TET2: variants seen among roughly 807,000 people sequenced by gnomAD.
TET2 encodes the protein methylcytosine dioxygenase TET2.
TET2 carries 299 observed loss-of-function variants against 142.9 expected under a neutral mutation model. The observed-to-expected ratio is 2.09, with a 90% confidence interval of 1.90 to 2.30. The LOEUF (loss-of-function observed/expected upper bound fraction) is 2.30, where lower values mean the gene tolerates loss of function less well. Ranked by LOEUF, TET2 falls within the 30% of genes most tolerant of loss-of-function variation. The pLI is 0.00. For missense variants in TET2, 2,418 were observed against 2,378.0 expected (o/e 1.02, Z -0.35); for synonymous variants, 819 against 849.0 (o/e 0.96, Z 0.61).
rs181091189 is a variant in TET2, at chr4:105,221,454, T to C, written c.-46-12443T>C. On this transcript the variant is annotated intron_variant, in intron 2 of 10. Transcript: ENST00000380013. ...TTTCTCCCTCAAATAATCTATATATTATTAAATTTTGTTTATACTGCCATT... is the reference window on the plus strand; with the variant it reads ...TTTCTCCCTCAAATAATCTATATATCATTAAATTTTGTTTATACTGCCATT... Among the ~76,000 whole-genome samples the C allele has an allele frequency of 6.6e-5, 10 of 152,282 alleles. No individual in the cohort carries two copies. The East Asian group carries it at 1.5e-3, about 23-fold the overall frequency.
chr4:105,150,464 G>A (rs778391172), intron 1 of TET2, among the ~76,000 whole-genome samples: 1 of 152,140 alleles, frequency 6.6e-6, no homozygotes, highest in Non-Finnish European at 1.5e-5. Context: ...TTGGGAACAG[G>A]CTAAAACTTT....
chr4:105,274,023 T>G lies in TET2; in HGVS notation c.4538-1025T>G, dbSNP rs149693747. 2.2e-3 allele frequency among the ~76,000 whole-genome samples: 337 copies of G among 152,342 alleles called. 2 individuals are homozygous for G. Among genetic ancestry groups the G allele is most frequent in the African/African-American group, 7.6e-3 (318 of 41,580 alleles). ...GCTTCATGAAGTCAAATTTCTCTAC[T>G]GATTCATTTCCAAGCTCAGAGGAAC... On this transcript the variant is annotated intron_variant, in intron 10 of 10. Coordinates refer to ENST00000380013, the MANE Select transcript of TET2 (RefSeq NM_001127208.3).
chr4:105,185,769 ACT>A (rs1422584058), intron 1 of TET2, among the ~76,000 whole-genome samples: 1 of 152,160 alleles, frequency 6.6e-6, no homozygotes, highest in African/African-American at 2.4e-5. Flanking sequence ...ACAGAGCAAG[ACT>A]CTGTCTCTAA....
At chr4:105,216,451 T>C (rs1727498753) in intron 2 of TET2, among the ~76,000 whole-genome samples, 1 of 152,156 alleles carries the variant, frequency 6.6e-6, no homozygotes, top group East Asian at 1.9e-4. Context: ...ACTTATTTTA[T>C]GGTATTATGT....
chr4:105,256,910 TTAA>T (rs1321137154), intron 6 of TET2, among the ~76,000 whole-genome samples: 2 of 152,200 alleles, frequency 1.3e-5, no homozygotes, highest in African/African-American at 2.4e-5. Flanking sequence ...AGAATTCTAT[TTAA>T]TAATATCTTT....
At position 105,214,112 on chromosome 4, in the gene TET2, A is replaced by C. The variant is rs115902632; in HGVS notation, c.-46-19785A>C. ...GTGATCCACCTGCCTTGGCCTCATA[A>C]AGTGCTAGGACAAAAGTTTGCCATT... is the stretch of plus-strand genomic sequence containing the variant. On this transcript the variant is annotated intron_variant, in intron 2 of 10. Transcript: ENST00000380013. Among the ~76,000 whole-genome samples the C allele has an allele frequency of 3.8e-3, 575 of 151,674 alleles. 6 individuals carry two copies. The highest frequency in any genetic ancestry group is 0.02 in the South Asian group (94 of 4,792).
Position 105,204,264 on chromosome 4 carries a change from CACACATACAT to C in TET2, c.-47+13763_-47+13772del, listed in dbSNP as rs1386760700. ...ACACACACACACACACACACACACACACACATACATACATACATTAGAAAACTAATTACAT... is the reference window on the plus strand; with the variant it reads ...ACACACACACACACACACACACACACACATACATTAGAAAACTAATTACAT... On this transcript the variant is annotated intron_variant, in intron 2 of 10. Coordinates refer to ENST00000380013, the MANE Select transcript of TET2 (RefSeq NM_001127208.3). 1.9e-3 allele frequency among the ~76,000 whole-genome samples: 272 copies of C among 142,046 alleles called. 2 individuals are homozygous for C. Among genetic ancestry groups the C allele is most frequent in the African/African-American group, 7.8e-3 (263 of 33,880 alleles). The allele number at this position is 142,046 out of a possible 152,430, so 93.2% of individuals were successfully genotyped here.
chr4:105,259,434 T>C (rs1730306809), intron 6 of TET2, among the ~76,000 whole-genome samples, 185 bp from the exon 7 acceptor site: 1 of 152,200 alleles, frequency 6.6e-6, no homozygotes, highest in South Asian at 2.1e-4. Context: ...GTATGTGTAT[T>C]ACATTGCAAT....
chr4:105,159,902 A>G (rs1723759379), intron 1 of TET2, among the ~76,000 whole-genome samples: 2 of 151,902 alleles, frequency 1.3e-5, no homozygotes, highest in Admixed American at 6.6e-5. Context: ...TACTTGGGAG[A>G]CTGTGGCAGG....
At chr4:105,220,214 G>T (rs1032645266) in intron 2 of TET2, among the ~76,000 whole-genome samples, 1 of 152,028 alleles carries the variant, frequency 6.6e-6, no homozygotes, top group Non-Finnish European at 1.5e-5. Context: ...GAACCCATTT[G>T]TTGGCCTTAT....
At chr4:105,168,586 T>G (rs375723623) in intron 1 of TET2, among the ~76,000 whole-genome samples, 5 of 152,064 alleles carry the variant, frequency 3.3e-5, no homozygotes, top group African/African-American at 1.2e-4. Context: ...TTTTTAAAAT[T>G]TTATTTTTTT....
Position 105,276,028 on chromosome 4 carries a change from G to T in TET2, c.5518G>T (p.Ala1840Ser), listed in dbSNP as rs1194483723. 6.4e-7 allele frequency: 1 copy of T among 1,551,626 alleles called. No homozygotes were observed. Among genetic ancestry groups the T allele is most frequent in the East Asian group, 2.4e-5 (1 of 40,936 alleles). ...LALVQGVASGAEDNDEVWSDS... is the reference protein window; with the variant it reads ...LALVQGVASGSEDNDEVWSDS... ...ACTAGTCCAGGGTGTGGCTTCTGGT[G>T]CAGAGGACAACGATGAGGTCTGGTC... The change falls in exon 11 of 11, where the codon GCA becomes TCA. Residue 1840 changes from alanine (A) to serine (S), a missense_variant. By Grantham distance (99) the Ala-to-Ser change is moderately conservative. Coordinates refer to ENST00000380013, the MANE Select transcript of TET2 (RefSeq NM_001127208.3).
rs1461050148 is a variant in TET2, at chr4:105,233,919, G to A, written c.-24G>A. On this transcript the variant is annotated 5_prime_UTR_variant, in exon 3 of 11. In the 5' UTR this introduces an upstream ATG that the reference lacks. Transcript: ENST00000380013. ...TAGAATTCAACTAGAGGGCAGCCTTGTGGATGGCCCCGAAGCAAGCCTGAT... is the reference window on the plus strand; with the variant it reads ...TAGAATTCAACTAGAGGGCAGCCTTATGGATGGCCCCGAAGCAAGCCTGAT... 6.3e-7 allele frequency: 1 copy of A among 1,590,202 alleles called. No individual in the cohort carries two copies. The highest frequency in any genetic ancestry group is 8.5e-7 in the Non-Finnish European group (1 of 1,171,442).
chr4:105,275,041 T>A lies in TET2; in HGVS notation c.4538-7T>A. ...CCTGTTTCTGTTCTCTCTTACCCTG[T>A]CCACAGAACTTTTGCGACTTTCAGG... is the stretch of plus-strand genomic sequence containing the variant. On this transcript the variant is annotated splice_region_variant and splice_polypyrimidine_tract_variant and intron_variant, in intron 10 of 10. Coordinates refer to ENST00000380013, the MANE Select transcript of TET2 (RefSeq NM_001127208.3). The A allele has an allele frequency of 6.6e-7, 1 of 1,517,964 alleles. No individual in the cohort carries two copies. The highest frequency in any genetic ancestry group is 8.8e-7 in the Non-Finnish European group (1 of 1,132,534). The allele number at this position is 1,517,964 out of a possible 1,614,324, so 94.0% of individuals were successfully genotyped here. A position where few individuals can be genotyped will look rare whatever the true frequency, so the allele number is the denominator to read the frequency against.
At chr4:105,227,127 A>G (rs959456595) in intron 2 of TET2, among the ~76,000 whole-genome samples, 2 of 152,214 alleles carry the variant, frequency 1.3e-5, no homozygotes, top group East Asian at 1.9e-4. Context: ...GATGCCAGCT[A>G]TAACCCATAA....
intron 1 of TET2, chr4:105,171,716 A>G (rs930437557): frequency 6.6e-6 from 1 of 152,218 alleles, no homozygotes; most frequent in Non-Finnish European, 1.5e-5. Flanking sequence ...TTACAGTGGA[A>G]TGTACAATAT....
intron 6 of TET2, among the ~76,000 whole-genome samples, chr4:105,245,240 T>G (rs1162767770): frequency 6.6e-6 from 1 of 152,254 alleles, no homozygotes; most frequent in Admixed American, 6.5e-5. Flanking sequence ...GGTGTGTACC[T>G]GACCACTTTT....
chr4:105,196,981 G>A (rs115724987), intron 2 of TET2, among the ~76,000 whole-genome samples: 125 of 152,284 alleles, frequency 8.2e-4, no homozygotes, highest in Middle Eastern at 3.4e-3. Context: ...CCACTAAGTG[G>A]AGGGAAGAGG....
chr4:105,242,444 A>G (rs1729357960), intron 4 of TET2: 2 of 1,098,402 alleles, frequency 1.8e-6, no homozygotes, highest in South Asian at 4.2e-5. Context: ...AGTTCTAACT[A>G]AAATCTATTA....
Sources: allele counts gnomAD v4.1 joint callset (sites outside exome capture counted in the v4.1 genomes callset), GRCh38; gene constraint gnomAD v4.1.1; transcripts MANE v1.5; gene names NCBI Gene and HGNC (gene_info 2026-07-23, HGNC 2026-07-21).